The following PCNT variants were observed in gnomAD, a reference collection of about 807,000 sequenced individuals.
The protein encoded by PCNT is pericentrin.
Under a neutral mutation model 380.4 loss-of-function variants are expected in PCNT, and 319 were observed. The ratio of observed to expected loss-of-function variants is 0.84; its 90% CI spans 0.77 to 0.92. The LOEUF (loss-of-function observed/expected upper bound fraction) is 0.92, where lower values mean the gene tolerates loss of function less well. Among genes scored for constraint, PCNT ranks in the 40% least tolerant of loss-of-function variants. The pLI, the probability that PCNT is intolerant of heterozygous loss-of-function variation, is 0.00. For missense variants in PCNT, 4,400 were observed against 4,255.3 expected, an observed-to-expected ratio of 1.03 and a Z score of -0.95; for synonymous variants, 1,845 against 1,735.2, an observed-to-expected ratio of 1.06 and a Z score of -1.57.
chr21:46,435,894 T>G lies in PCNT; in HGVS notation c.8752-10T>G. ...GAACGTCTTCTCTGTCTTTTTTCTGTTAACAACAGCGAGAATTAGAACTGC... is the reference window on the plus strand; with the variant it reads ...GAACGTCTTCTCTGTCTTTTTTCTGGTAACAACAGCGAGAATTAGAACTGC... On this transcript the variant is annotated splice_polypyrimidine_tract_variant and intron_variant, in intron 38 of 46. Coordinates refer to ENST00000359568, the MANE Select transcript of PCNT (RefSeq NM_006031.6). The G allele has an allele frequency of 6.2e-7, 1 of 1,614,080 alleles. No homozygotes were observed.
chr21:46,390,192 G>A (rs562718374), intron 19 of PCNT, among the ~76,000 whole-genome samples: 127 of 152,214 alleles, frequency 8.3e-4, no homozygotes, highest in African/African-American at 2.8e-3. Context: ...ATGCGTCTGC[G>A]GTCCCAGCTC....
rs140878572 is a variant in PCNT at position 46,426,120 on chromosome 21, C to T, written c.7320+149C>T. 4,886 of 764,634 alleles carry T rather than the reference C, an allele frequency of 6.4e-3. 41 individuals carry two copies. The highest frequency in any genetic ancestry group is 0.011 in the Middle Eastern group (28 of 2,502). The allele number at this position is 764,634 out of a possible 1,614,324, so 47.4% of individuals were successfully genotyped here. ...TTGAGACTCGGCTCACTGCAACCTCCACCACCCCGGGTCAAGCAGTTCTCT... is the reference window on the plus strand; with the variant it reads ...TTGAGACTCGGCTCACTGCAACCTCTACCACCCCGGGTCAAGCAGTTCTCT... On this transcript the variant is annotated intron_variant, in intron 33 of 46. Coordinates refer to ENST00000359568, the MANE Select transcript of PCNT (RefSeq NM_006031.6).
intron 14 of PCNT, among the ~76,000 whole-genome samples, chr21:46,364,855 G>T (rs547066973): frequency 5.3e-5 from 8 of 152,366 alleles, no homozygotes; most frequent in African/African-American, 1.9e-4. Flanking sequence ...TTCTCACCAG[G>T]CTACGACATG....
At chr21:46,358,020 C>A (rs1375654883) in intron 13 of PCNT, among the ~76,000 whole-genome samples, 2 of 152,336 alleles carry the variant, frequency 1.3e-5, no homozygotes, top group Admixed American at 6.5e-5. Flanking sequence ...ACAGCCAGGG[C>A]AGCTCAGGGT....
chr21:46,360,262 G>C (rs1159046665), intron 13 of PCNT, among the ~76,000 whole-genome samples: 10 of 115,270 alleles, frequency 8.7e-5, no homozygotes, highest in Non-Finnish European at 1.5e-4. Flanking sequence ...TCACTCTGTT[G>C]CCCAGGCTGG....
chr21:46,411,484 GGCT>G lies in PCNT; in HGVS notation c.5416_5418del (p.Leu1806del), dbSNP rs2086782142. On this transcript the variant is annotated inframe_deletion, in exon 28 of 47. Transcript: ENST00000359568. The stretch of plus-strand genomic sequence containing the variant: ...CTGGAAGCCAAGGAGGCCCTGAGCC[GGCT>G]GCTGGCTGACCAGGAGCGCAGGCAC... The G allele has an allele frequency of 3.1e-6, 5 of 1,609,134 alleles. No homozygotes were observed. In the Admixed American group the frequency reaches 8.4e-5, roughly 27 times the overall value.
chr21:46,389,669 A>G (rs1384202603), intron 19 of PCNT, among the ~76,000 whole-genome samples: 2 of 152,272 alleles, frequency 1.3e-5, no homozygotes, highest in Non-Finnish European at 2.9e-5. Context: ...TTGCAATTCC[A>G]TGTGGAGTGT....
intron 1 of PCNT, chr21:46,325,258 G>T (rs536992534): frequency 1.1e-6 from 1 of 950,196 alleles, no homozygotes; most frequent in East Asian, 1.2e-4. Context: ...TGCTGGGGAA[G>T]AGCGGGGCTC....
At chr21:46,365,607 A>G (rs1206367318) in intron 14 of PCNT, among the ~76,000 whole-genome samples, 7 of 102,986 alleles carry the variant, frequency 6.8e-5, no homozygotes, top group Admixed American at 1.1e-4. Flanking sequence ...ATGGCCTTCT[A>G]TTCACTGCCG....
chr21:46,360,810 G>A (rs192528119), intron 13 of PCNT, among the ~76,000 whole-genome samples: 3 of 152,134 alleles, frequency 2.0e-5, no homozygotes, highest in Admixed American at 6.5e-5. Flanking sequence ...GAGCCACCAC[G>A]CCTGGCCATA....
intron 37 of PCNT, 160 bp from the exon 38 acceptor site, chr21:46,431,369 G>A: frequency 6.8e-7 from 1 of 1,466,914 alleles, no homozygotes; most frequent in Non-Finnish European, 9.0e-7. Context: ...GTTACTTGAT[G>A]AACTAACAAA....
chr21:46,330,424 T>C (rs565335617), intron 2 of PCNT, among the ~76,000 whole-genome samples: 2 of 152,262 alleles, frequency 1.3e-5, no homozygotes, highest in Admixed American at 1.3e-4. Context: ...TGGCTAAAAT[T>C]TATTTTCTTT....
At chr21:46,399,210 A>G (rs191151753) in intron 24 of PCNT, among the ~76,000 whole-genome samples, 1 of 99,488 alleles carries the variant, frequency 1.0e-5, no homozygotes, top group Admixed American at 9.8e-5. Context: ...ACATCACCCT[A>G]TACTTCCTTT....
chr21:46,366,269 G>C (rs572081940), intron 14 of PCNT, among the ~76,000 whole-genome samples: 1 of 152,260 alleles, frequency 6.6e-6, no homozygotes, highest in Admixed American at 6.5e-5. Flanking sequence ...TGTGCCTGCC[G>C]TGCGTGGCTC....
intron 27 of PCNT, among the ~76,000 whole-genome samples, chr21:46,407,042 TA>T (rs1207409813): frequency 6.6e-6 from 1 of 152,246 alleles, no homozygotes; most frequent in Admixed American, 6.5e-5. Flanking sequence ...CAGTGTTCCC[TA>T]AGGCTTTGTA....
chr21:46,333,988 C>T (rs577100389), intron 2 of PCNT, among the ~76,000 whole-genome samples: 42 of 152,090 alleles, frequency 2.8e-4, no homozygotes, highest in Non-Finnish European at 3.8e-4. Context: ...GGGCGGATCA[C>T]GAGGTCAGGA....
chr21:46,418,198 TAAC>T lies in PCNT; in HGVS notation c.6922-4_6922-2del, dbSNP rs761998249. 28 of 1,543,540 alleles carry T rather than the reference TAAC, an allele frequency of 1.8e-5. No homozygotes were observed. In the Admixed American group the frequency reaches 3.8e-4, roughly 21 times the overall value. On this transcript the variant is annotated splice_polypyrimidine_tract_variant and splice_region_variant and intron_variant, in intron 30 of 46. Coordinates refer to ENST00000359568, the MANE Select transcript of PCNT (RefSeq NM_006031.6). ...ATTTTATGACCATTTAAAAATCTCT[TAAC>T]AGGAGAAAGATGTCGAAGATTTTAT...
At chr21:46,369,514 C>G (rs967172680) in intron 15 of PCNT, among the ~76,000 whole-genome samples, 5 of 152,260 alleles carry the variant, frequency 3.3e-5, no homozygotes, top group Admixed American at 3.3e-4. Flanking sequence ...CAGTTTTGAT[C>G]ATAGGCAAAC....
chr21:46,402,778 T>A (rs1340636774), intron 27 of PCNT, among the ~76,000 whole-genome samples: 1 of 152,148 alleles, frequency 6.6e-6, no homozygotes, highest in East Asian at 1.9e-4. Context: ...CCCAGGGCTG[T>A]GAGAGGCGTG....
Sources: gnomAD v4.1 joint callset for allele counts (sites outside exome capture counted in the v4.1 genomes callset) on GRCh38, gnomAD v4.1.1 for gene constraint, MANE v1.5 for transcripts, NCBI Gene and HGNC (gene_info 2026-07-23, HGNC 2026-07-21) for gene names.